PNPLA7: variants seen among roughly 807,000 people sequenced by gnomAD.
PNPLA7 encodes the protein patatin-like phospholipase domain-containing protein 7.
PNPLA7 carries 153 observed loss-of-function variants against 161.7 expected under a neutral mutation model. The observed-to-expected ratio is 0.95, with a 90% CI of 0.83 to 1.08. The LOEUF (loss-of-function observed/expected upper bound fraction) is 1.08. Ranked by LOEUF, PNPLA7 falls within the 50% of genes least tolerant of loss-of-function variation. PNPLA7 has a pLI of 0.00. For synonymous variants in PNPLA7, 809 were observed against 782.1 expected (o/e 1.03, Z -0.57); for missense variants, 1,739 against 1,856.6 (o/e 0.94, Z 1.16).
chr9:137,520,190 C>T lies in PNPLA7; in HGVS notation c.958-147G>A. 3 of 1,213,406 alleles carry T rather than the reference C, an allele frequency of 2.5e-6. No homozygotes were observed. The highest frequency in any genetic ancestry group is 4.5e-5 in the Admixed American group (2 of 44,486). 75.2% of individuals were successfully genotyped at this position (1,213,406 alleles called of 1,614,324 possible). On this transcript the variant is annotated intron_variant, in intron 10 of 34. Coordinates refer to ENST00000406427, the MANE Select transcript of PNPLA7 (RefSeq NM_001098537.3). This position sits in a 1 kb window ranked among gnomAD's most constrained non-coding sequence, Gnocchi z 5.2. ...TCAAAGGTGTGACAGGTGTGGGACT[C>T]TCAAAGGTGTGACAGGTGTGGGCCT... is the stretch of plus-strand genomic sequence containing the variant.
At chr9:137,535,592 A>G (rs569453728) in intron 8 of PNPLA7, among the ~76,000 whole-genome samples, 3 of 151,834 alleles carry the variant, frequency 2.0e-5, no homozygotes, top group African/African-American at 7.3e-5. Flanking sequence ...GTCCCTACTA[A>G]AAATACAAAA....
intron 8 of PNPLA7, among the ~76,000 whole-genome samples, chr9:137,538,904 T>C (rs1363487805): frequency 6.6e-6 from 1 of 151,924 alleles, no homozygotes; most frequent in Non-Finnish European, 1.5e-5. Flanking sequence ...ATACAAAAAT[T>C]AGCCAGGTGT....
intron 12 of PNPLA7, chr9:137,509,681 A>G (rs1834113908): frequency 2.2e-6 from 1 of 446,834 alleles, no homozygotes. Flanking sequence ...CAACAGTCAC[A>G]TGAGGCTTGT....
intron 14 of PNPLA7, among the ~76,000 whole-genome samples, chr9:137,502,587 T>C (rs1486611625): frequency 7.5e-6 from 1 of 133,610 alleles, no homozygotes; most frequent in Non-Finnish European, 1.6e-5. Flanking sequence ...GGGCGCGTTG[T>C]CAGCCCGAGG....
intron 20 of PNPLA7, among the ~76,000 whole-genome samples, chr9:137,487,412 CT>C (rs1435595240): frequency 1.3e-5 from 2 of 152,244 alleles, no homozygotes; most frequent in African/African-American, 2.4e-5. Context: ...TCATGGACCC[CT>C]GGAGGGGACC....
At chr9:137,491,508 G>A (rs1832761699) in intron 20 of PNPLA7, 5 of 983,042 alleles carry the variant, frequency 5.1e-6, no homozygotes, top group Non-Finnish European at 3.6e-6. Context: ...GTCACATTAC[G>A]TTACGTGTTA....
At position 137,547,064 on chromosome 9, in the gene PNPLA7, T is replaced by A. The variant is rs534013598; in HGVS notation, c.194-155A>T. On this transcript the variant is annotated intron_variant, in intron 3 of 34. Coordinates refer to ENST00000406427, the MANE Select transcript of PNPLA7 (RefSeq NM_001098537.3). This position sits in a 1 kb window ranked among gnomAD's most constrained non-coding sequence, Gnocchi z 4.6. ...GAAGAGGGCCTGAGTGACAGGCTCA[T>A]CTCCAACAAAGGGGGCTCTCCCCTC... Among the ~76,000 whole-genome samples, 120 of 152,236 alleles carry A rather than the reference T, an allele frequency of 7.9e-4. 1 individual carries two copies. The highest frequency in any genetic ancestry group is 1.2e-3 in the Non-Finnish European group (83 of 68,008).
At chr9:137,546,705 C>T (rs1836545532) in intron 4 of PNPLA7, 125 bp downstream of exon 4, 4 of 791,932 alleles carry the variant, frequency 5.1e-6, no homozygotes, top group African/African-American at 3.4e-5. Flanking sequence ...AGCTGGGAAG[C>T]TGGGGAGAGG....
chr9:137,496,801 G>T (rs73567292), intron 18 of PNPLA7, among the ~76,000 whole-genome samples: 1 of 152,220 alleles, frequency 6.6e-6, no homozygotes. Flanking sequence ...CCCCCCACTC[G>T]CTCAGGATGC....
chr9:137,472,599 C>T (rs536894605), intron 25 of PNPLA7, among the ~76,000 whole-genome samples: 15 of 142,106 alleles, frequency 1.1e-4, no homozygotes, highest in South Asian at 4.4e-4. Context: ...TGCAGTGAGC[C>T]GAGATTGCAC....
At chr9:137,508,598 A>G (rs1834042679) in intron 12 of PNPLA7, among the ~76,000 whole-genome samples, 1 of 152,166 alleles carries the variant, frequency 6.6e-6, no homozygotes, top group Non-Finnish European at 1.5e-5. Context: ...AAGAAAAAAG[A>G]AAAGGATATA....
intron 11 of PNPLA7, chr9:137,516,643 T>C (rs907169189): frequency 2.2e-6 from 1 of 452,896 alleles, no homozygotes; most frequent in Non-Finnish European, 2.9e-6. Context: ...ATGCCATCTT[T>C]ACAAAAATTT....
chr9:137,502,809 T>C (rs969357145), intron 14 of PNPLA7, among the ~76,000 whole-genome samples: 3 of 119,858 alleles, frequency 2.5e-5, no homozygotes, highest in African/African-American at 1.0e-4. Context: ...AACGCACGGC[T>C]GAAGTCATTT....
At chr9:137,471,832 C>G (rs1316278380) in intron 25 of PNPLA7, among the ~76,000 whole-genome samples, 1 of 151,948 alleles carries the variant, frequency 6.6e-6, no homozygotes, top group Non-Finnish European at 1.5e-5. Flanking sequence ...ATCCAAATCT[C>G]AGGAGGTTTT....
chr9:137,510,196 T>C (rs1174631225), intron 12 of PNPLA7, among the ~76,000 whole-genome samples: 1 of 151,496 alleles, frequency 6.6e-6, no homozygotes, highest in Non-Finnish European at 1.5e-5. Flanking sequence ...GGAAAGGGAG[T>C]CTCCCTTTCC....
At chr9:137,491,388 C>G (rs2132217848) in intron 20 of PNPLA7, 2 of 808,160 alleles carry the variant, frequency 2.5e-6, no homozygotes, top group East Asian at 1.3e-4. Context: ...AGTCTAAACA[C>G]ACAAAAGATA....
In PNPLA7 at chr9:137,500,841, A is replaced by T. The variant is rs532057948; in HGVS notation, c.1607T>A (p.Ile536Asn). The T allele has an allele frequency of 1.9e-6, 3 of 1,598,918 alleles. No individual in the cohort carries two copies. The Admixed American group carries it at 5.3e-5, about 28-fold the overall frequency. Reference sequence around the variant, plus strand: ...CAAGCAGGTGTCCTCCTGGCTGCCGATCTTCCGCTGGTACACGTGCAGCAG... The same window carrying T: ...CAAGCAGGTGTCCTCCTGGCTGCCGTTCTTCCGCTGGTACACGTGCAGCAG... ...SGLLHVYQRK[I>N]GSQEDTCLFL... Residue 536 changes from isoleucine to asparagine, a missense_variant, in exon 16 of 35, where the codon ATC becomes AAC. Coordinates refer to ENST00000406427, the MANE Select transcript of PNPLA7 (RefSeq NM_001098537.3). The surrounding 1 kb of genome is among the most constrained non-coding windows in gnomAD (Gnocchi z 5.5).
intron 3 of PNPLA7, 86 bp from the exon 4 acceptor site, chr9:137,546,995 C>A: frequency 7.7e-7 from 1 of 1,290,682 alleles, no homozygotes; most frequent in South Asian, 1.2e-5. Context: ...GTCAGTCATA[C>A]TCTCGTCCCT....
At chr9:137,483,933 T>TTTA (rs1233500243) in intron 21 of PNPLA7, among the ~76,000 whole-genome samples, 4 of 151,904 alleles carry the variant, frequency 2.6e-5, no homozygotes, top group Non-Finnish European at 5.9e-5. Context: ...ATTCATTGCA[T>TTTA]TTATTATTAT....
Sources: gnomAD v4.1 joint callset for allele counts (sites outside exome capture counted in the v4.1 genomes callset) on GRCh38, gnomAD v4.1.1 for gene constraint, Gnocchi (gnomAD v3.1) non-coding constraint, MANE v1.5 for transcripts, NCBI Gene and HGNC (gene_info 2026-07-23, HGNC 2026-07-21) for gene names.